CYB5A: variants seen among roughly 807,000 people sequenced by gnomAD.
CYB5A encodes cytochrome b5.
Under a neutral mutation model 16.2 loss-of-function variants are expected in CYB5A, and 10 were observed. The observed-to-expected ratio is 0.62, with a 90% CI of 0.38 to 1.04. The LOEUF (loss-of-function observed/expected upper bound fraction) is 1.04, where lower values mean the gene tolerates loss of function less well. CYB5A is among the 50% of genes least tolerant of loss of function. The pLI is 0.01. For synonymous variants in CYB5A, 62 were observed against 57.0 expected, an observed-to-expected ratio of 1.09 and a Z score of -0.40; for missense variants, 161 against 165.9, an observed-to-expected ratio of 0.97 and a Z score of 0.16.
intron 1 of CYB5A, among the ~76,000 whole-genome samples, chr18:74,271,647 C>CGTGTGTGTGTGT (rs140764495): frequency 6.7e-6 from 1 of 149,844 alleles, no homozygotes. Flanking sequence ...ATGTACTTAT[C>CGTGTGTGTGTGT]GTGTGTGTGT....
intron 3 of CYB5A, chr18:74,256,732 GGCAA>G: frequency 9.0e-7 from 1 of 1,105,008 alleles, no homozygotes; most frequent in Non-Finnish European, 1.4e-6. Context: ...CCTGCAGTAA[GGCAA>G]GCATCACTCT....
At chr18:74,282,450 T>C (rs574468377) in intron 1 of CYB5A, among the ~76,000 whole-genome samples, 1 of 152,166 alleles carries the variant, frequency 6.6e-6, no homozygotes, top group Non-Finnish European at 1.5e-5. Flanking sequence ...GGGGCTCGTA[T>C]CTGTTCCTCC....
rs534142634 is a variant in CYB5A at position 74,256,961 on chromosome 18, T to G, written c.289-1186A>C. On this transcript the variant is annotated intron_variant, in intron 3 of 4. Coordinates refer to ENST00000340533, the MANE Select transcript of CYB5A (RefSeq NM_148923.4). The stretch of plus-strand genomic sequence containing the variant: ...AGCATCTATAAAAAGTATTCATAAC[T>G]ACAGCAAGAGGATTTTCCAAATTGT... 85 of 929,628 alleles carry G rather than the reference T, an allele frequency of 9.1e-5. 1 individual carries two copies. The South Asian group carries it at 1.1e-3, about 12-fold the overall frequency. 57.6% of individuals were successfully genotyped at this position (929,628 alleles called of 1,614,324 possible). A position where few individuals can be genotyped will look rare whatever the true frequency, so the allele number is the denominator to read the frequency against.
chr18:74,257,498 G>T (rs184966922), intron 3 of CYB5A: 1 of 152,656 alleles, frequency 6.6e-6, no homozygotes, highest in South Asian at 2.1e-4. Flanking sequence ...GTTTAGGGAC[G>T]TGACTATCAA....
chr18:74,253,180 C>T lies in CYB5A; in HGVS notation c.*404G>A, dbSNP rs1981829594. The T allele has an allele frequency of 4.0e-6, 1 of 249,772 alleles. No individual in the cohort carries two copies. The highest frequency in any genetic ancestry group is 5.2e-5 in the Admixed American group (1 of 19,276). 15.5% of individuals were successfully genotyped at this position (249,772 alleles called of 1,614,324 possible). On this transcript the variant is annotated 3_prime_UTR_variant, in exon 5 of 5. Transcript: ENST00000340533. ...GAGACACTCAAACCTATTTCCCGCA[C>T]CTCCAGTCATATGGCCTCTGTGGGT...
intron 1 of CYB5A, among the ~76,000 whole-genome samples, chr18:74,279,857 A>T (rs990368597): frequency 2.0e-5 from 3 of 152,226 alleles, no homozygotes; most frequent in Admixed American, 6.5e-5. Flanking sequence ...TCAATAAATA[A>T]CTATTTAGTC....
chr18:74,260,707 A>C (rs1201084288), intron 3 of CYB5A: 1 of 644,506 alleles, frequency 1.6e-6, no homozygotes, highest in Non-Finnish European at 2.9e-6. Context: ...GACAGCCTTA[A>C]AAAAATTACA....
intron 1 of CYB5A, among the ~76,000 whole-genome samples, chr18:74,277,340 C>T (rs112093357): frequency 0.025 from 3,781 of 152,270 alleles, 105 homozygotes; most frequent in African/African-American, 0.073. Flanking sequence ...GGCACCAACT[C>T]GGGGCTTCAT....
intron 3 of CYB5A, 159 bp from the exon 4 acceptor site, chr18:74,255,934 C>A: frequency 1.6e-6 from 1 of 619,798 alleles, no homozygotes. Flanking sequence ...CACTAAAATG[C>A]CTAACTTTGT....
chr18:74,267,767 T>C (rs1424985757), intron 1 of CYB5A, among the ~76,000 whole-genome samples: 3 of 152,222 alleles, frequency 2.0e-5, no homozygotes, highest in Non-Finnish European at 2.9e-5. Context: ...CCAAAGAGCC[T>C]GAGCCAAATG....
At chr18:74,265,586 T>C (rs1427705978) in intron 1 of CYB5A, among the ~76,000 whole-genome samples, 2 of 152,256 alleles carry the variant, frequency 1.3e-5, no homozygotes, top group Admixed American at 6.5e-5. Flanking sequence ...TTAGTCTGTT[T>C]TGTACTGCTA....
Position 74,260,961 on chromosome 18 carries a change from A to T in CYB5A, c.259-17T>A, listed in dbSNP as rs1163733771. The T allele has an allele frequency of 1.2e-6, 2 of 1,607,186 alleles. No homozygotes were observed. Among genetic ancestry groups the T allele is most frequent in the Admixed American group, 1.7e-5 (1 of 60,000 alleles). ...TCTGTCATCCTGCAATGAAAAGATA[A>T]GGCACATTATGGAATTTAAAAATCT... On this transcript the variant is annotated splice_polypyrimidine_tract_variant and intron_variant, in intron 2 of 4. Coordinates refer to ENST00000340533, the MANE Select transcript of CYB5A (RefSeq NM_148923.4).
chr18:74,288,757 C>T, intron 1 of CYB5A, among the ~76,000 whole-genome samples: 1 of 152,154 alleles, frequency 6.6e-6, no homozygotes, highest in East Asian at 1.9e-4. Context: ...TCAGATAGAA[C>T]CCAGAGAGAG....
Position 74,260,436 on chromosome 18 carries a change from C to T in CYB5A, c.288+479G>A, listed in dbSNP as rs74510147. The T allele has an allele frequency of 9.3e-3, 2,130 of 229,900 alleles. 25 individuals are homozygous for T. Among genetic ancestry groups the T allele is most frequent in the Non-Finnish European group, 0.012 (1,374 of 115,932 alleles). 14.2% of individuals were successfully genotyped at this position (229,900 alleles called of 1,614,324 possible). On this transcript the variant is annotated intron_variant, in intron 3 of 4. Coordinates refer to ENST00000340533, the MANE Select transcript of CYB5A (RefSeq NM_148923.4). Reference sequence around the variant, plus strand: ...TTTCCTTTCCCAAGGAAAAGTAAGTCAAAAGGGTATTATTTAATTTCATTA... The same window carrying T: ...TTTCCTTTCCCAAGGAAAAGTAAGTTAAAAGGGTATTATTTAATTTCATTA...
At chr18:74,281,737 G>A (rs1042453224) in intron 1 of CYB5A, among the ~76,000 whole-genome samples, 33 of 149,016 alleles carry the variant, frequency 2.2e-4, no homozygotes, top group African/African-American at 7.9e-4. Flanking sequence ...GAAGAGTCAA[G>A]GGAGGCTGTG....
chr18:74,283,079 T>C (rs964288204), intron 1 of CYB5A, among the ~76,000 whole-genome samples: 1 of 152,046 alleles, frequency 6.6e-6, no homozygotes, highest in East Asian at 1.9e-4. Context: ...GTGGCAAAGA[T>C]ACAAGAGAGG....
At chr18:74,253,756 C>T (rs1265436166) in intron 4 of CYB5A, 91 bp from the exon 5 acceptor site, 2 of 887,152 alleles carry the variant, frequency 2.3e-6, no homozygotes, top group Non-Finnish European at 3.7e-6. Context: ...ATTACCAGGG[C>T]ATGTTTTTCT....
intron 3 of CYB5A, 71 bp from the exon 4 acceptor site, chr18:74,255,846 G>A (rs796126193): frequency 5.0e-6 from 6 of 1,208,988 alleles, no homozygotes; most frequent in South Asian, 3.6e-5. Context: ...CTAAAATCCT[G>A]TTTGAAAATA....
At chr18:74,282,606 C>T (rs1239918640) in intron 1 of CYB5A, among the ~76,000 whole-genome samples, 1 of 152,168 alleles carries the variant, frequency 6.6e-6, no homozygotes, top group Non-Finnish European at 1.5e-5. Flanking sequence ...CTAGCAGAGG[C>T]ACAAAACGGG....
Sources: gnomAD v4.1 joint callset for allele counts (sites outside exome capture counted in the v4.1 genomes callset) on GRCh38, gnomAD v4.1.1 for gene constraint, MANE v1.5 for transcripts, NCBI Gene and HGNC (gene_info 2026-07-23, HGNC 2026-07-21) for gene names.